The following PCSK5 variants were observed in gnomAD, a reference collection of about 807,000 sequenced individuals.
PCSK5 encodes the protein proprotein convertase subtilisin/kexin type 5.
Under a neutral mutation model 233.2 loss-of-function variants are expected in PCSK5, and 129 were observed. That is an observed-to-expected ratio of 0.55 (90% CI 0.48 to 0.64). The LOEUF is 0.64. PCSK5 is among the 30% of genes least tolerant of loss of function. The probability of loss-of-function intolerance (pLI) is 0.00; values close to 1 mark genes in which losing one functional copy is unlikely to be tolerated. For missense variants in PCSK5, 2,076 were observed against 2,430.1 expected (o/e 0.85, Z 3.06); for synonymous variants, 825 against 879.2 (o/e 0.94, Z 1.09).
intron 1 of PCSK5, among the ~76,000 whole-genome samples, chr9:75,929,652 A>G (rs558271524): frequency 5.3e-5 from 8 of 152,200 alleles, no homozygotes; most frequent in East Asian, 1.9e-4. Context: ...TAGCTAGTGT[A>G]TTAGTCCATT....
Position 76,189,657 on chromosome 9 carries a change from A to G in PCSK5, c.2537A>G (p.Asn846Ser), listed in dbSNP as rs1824271458. 9 of 1,610,948 alleles carry G rather than the reference A, an allele frequency of 5.6e-6. No homozygotes were observed. Among genetic ancestry groups the G allele is most frequent in the African/African-American group, 1.3e-5 (1 of 74,868 alleles). ...TGTGATATCAGTTGTTTGACGTGCA[A>G]TGGCCCAGGATTCAAGAACTGTACA... ...KKCDISCLTCNGPGFKNCTSC... is the reference protein window; with the variant it reads ...KKCDISCLTCSGPGFKNCTSC... The change falls in exon 20 of 38, where the codon AAT becomes AGT. Residue 846 changes from asparagine to serine, a missense_variant. Around this residue, in one of 6 missense-constraint regions of PCSK5, gnomAD observed 1,510 missense variants for 1,538.1 expected, o/e 0.98. Transcript: ENST00000674117.
At chr9:75,921,245 C>T (rs892624044) in intron 1 of PCSK5, among the ~76,000 whole-genome samples, 3 of 151,982 alleles carry the variant, frequency 2.0e-5, no homozygotes, top group Non-Finnish European at 4.4e-5. Context: ...TATCTCAGAC[C>T]CTTAAGTCAG....
At chr9:76,170,685 A>C (rs113472013) in intron 13 of PCSK5, among the ~76,000 whole-genome samples, 1 of 152,186 alleles carries the variant, frequency 6.6e-6, no homozygotes, top group East Asian at 1.9e-4. Flanking sequence ...GCTTGGGGGA[A>C]GTTTTAGGAC....
At chr9:76,307,730 G>A (rs952007156) in intron 28 of PCSK5, among the ~76,000 whole-genome samples, 3 of 151,914 alleles carry the variant, frequency 2.0e-5, no homozygotes, top group Non-Finnish European at 4.4e-5. Flanking sequence ...ACAAACTTAA[G>A]ATGAGATAAA....
chr9:76,169,380 C>G (rs1192175574), intron 12 of PCSK5, among the ~76,000 whole-genome samples: 1 of 152,030 alleles, frequency 6.6e-6, no homozygotes, highest in Non-Finnish European at 1.5e-5. Context: ...TATAAGAGAG[C>G]CCTAGCTCCT....
At chr9:76,349,369 C>A (rs1018119791) in intron 35 of PCSK5, among the ~76,000 whole-genome samples, 5 of 151,554 alleles carry the variant, frequency 3.3e-5, no homozygotes, top group Non-Finnish European at 7.4e-5. Context: ...CCATCAGAGA[C>A]CACAATAACG....
At chr9:75,910,242 T>C (rs1822666152) in intron 1 of PCSK5, among the ~76,000 whole-genome samples, 1 of 152,182 alleles carries the variant, frequency 6.6e-6, no homozygotes, top group African/African-American at 2.4e-5. Flanking sequence ...GAGAAAAAGA[T>C]TGTGATACTC....
At chr9:76,022,315 T>C (rs1333868693) in intron 3 of PCSK5, among the ~76,000 whole-genome samples, 3 of 152,238 alleles carry the variant, frequency 2.0e-5, no homozygotes, top group Non-Finnish European at 4.4e-5. Flanking sequence ...GAACATATAC[T>C]TTATAATTTC....
At chr9:75,947,890 G>A (rs1441832755) in intron 2 of PCSK5, among the ~76,000 whole-genome samples, 1 of 152,176 alleles carries the variant, frequency 6.6e-6, no homozygotes, top group East Asian at 1.9e-4. Context: ...CACCCAGGCT[G>A]AAGTGCAGTG....
At chr9:75,956,690 C>T (rs1424384873) in intron 2 of PCSK5, among the ~76,000 whole-genome samples, 1 of 151,882 alleles carries the variant, frequency 6.6e-6, no homozygotes, top group African/African-American at 2.4e-5. Context: ...AAAGGCACTA[C>T]TGCCTGCACA....
At chr9:76,303,767 C>A (rs1303629589) in intron 28 of PCSK5, among the ~76,000 whole-genome samples, 1 of 152,188 alleles carries the variant, frequency 6.6e-6, no homozygotes, top group African/African-American at 2.4e-5. Context: ...ATGCGGAACA[C>A]CTTTGTGACA....
At chr9:76,318,862 A>G (rs1226552026) in intron 30 of PCSK5, among the ~76,000 whole-genome samples, 1 of 152,172 alleles carries the variant, frequency 6.6e-6, no homozygotes, top group Non-Finnish European at 1.5e-5. Context: ...AATATTTTCC[A>G]CTTTAAAGTT....
chr9:75,950,153 C>CG (rs1162749995), intron 2 of PCSK5, among the ~76,000 whole-genome samples: 2 of 55,200 alleles, frequency 3.6e-5, no homozygotes, highest in African/African-American at 1.5e-4. Context: ...GTGGGGGGGG[C>CG]GGGGAGGGGG....
intron 14 of PCSK5, among the ~76,000 whole-genome samples, chr9:76,178,159 C>T (rs937632120): frequency 6.6e-6 from 1 of 152,082 alleles, no homozygotes; most frequent in African/African-American, 2.4e-5. Context: ...CCATAGACAG[C>T]AGAGACACCA....
chr9:75,945,819 TTGTATGATGGATG>T (rs1411543805), intron 2 of PCSK5, among the ~76,000 whole-genome samples: 1 of 152,214 alleles, frequency 6.6e-6, no homozygotes, highest in Non-Finnish European at 1.5e-5. Flanking sequence ...CCTTTGGTCT[TTGTATGATGGATG>T]CCTTCTCAGC....
At chr9:76,195,904 A>G (rs1295524761) in intron 20 of PCSK5, 1 of 152,146 alleles carries the variant, frequency 6.6e-6, no homozygotes, top group Non-Finnish European at 1.5e-5. Flanking sequence ...ATCTGTTCAT[A>G]CCCACGTATA....
At chr9:75,915,586 C>T (rs1822952046) in intron 1 of PCSK5, among the ~76,000 whole-genome samples, 2 of 152,164 alleles carry the variant, frequency 1.3e-5, no homozygotes, top group East Asian at 3.9e-4. Flanking sequence ...CCTGTTCTTT[C>T]ACTAAATTAC....
intron 1 of PCSK5, among the ~76,000 whole-genome samples, chr9:75,918,697 T>C (rs188283926): frequency 6.6e-6 from 1 of 152,344 alleles, no homozygotes; most frequent in East Asian, 1.9e-4. Flanking sequence ...AGCAGCACTT[T>C]ACTAGAAATG....
chr9:76,147,065 T>C (rs185158448), intron 10 of PCSK5, among the ~76,000 whole-genome samples: 1 of 152,284 alleles, frequency 6.6e-6, no homozygotes, highest in Admixed American at 6.5e-5. Context: ...GACAAGTCAG[T>C]GCATTTTCTG....
Sources: allele counts gnomAD v4.1 joint callset (sites outside exome capture counted in the v4.1 genomes callset), GRCh38; gene constraint gnomAD v4.1.1; regional missense constraint gnomAD v4.1.1; transcripts MANE v1.5; gene names NCBI Gene and HGNC (gene_info 2026-07-23, HGNC 2026-07-21).